The following HCFC2 variants were observed in gnomAD, a reference collection of about 807,000 sequenced individuals.
HCFC2 encodes the protein host cell factor 2.
Under a neutral mutation model 89.2 loss-of-function variants are expected in HCFC2, and 18 were observed. That is an observed-to-expected ratio of 0.20 (90% CI 0.14 to 0.30). HCFC2 has a LOEUF of 0.30. Ranked by LOEUF, HCFC2 falls within the 10% of genes least tolerant of loss-of-function variation. HCFC2 has a pLI of 1.00. For synonymous variants in HCFC2, 308 were observed against 335.7 expected (o/e 0.92, Z 0.90); for missense variants, 578 against 956.1 (o/e 0.60, Z 5.21).
At chr12:104,102,266 C>A in intron 14 of HCFC2, 113 bp downstream of exon 14, 2 of 865,870 alleles carry the variant, frequency 2.3e-6, no homozygotes, top group Non-Finnish European at 3.6e-6. Context: ...TGAGAGATAC[C>A]TAAAAGGATG....
chr12:104,093,645 C>T (rs1289458834), intron 10 of HCFC2, 82 bp downstream of exon 10: 5 of 1,248,386 alleles, frequency 4.0e-6, no homozygotes, highest in Non-Finnish European at 5.6e-6. Context: ...AAATGTTGTA[C>T]AGTTTTGATC....
At position 104,096,408 on chromosome 12, in the gene HCFC2, C is replaced by T. The variant is rs1435897710; in HGVS notation, c.1715C>T (p.Thr572Ile). 1.2e-6 allele frequency: 2 copies of T among 1,608,226 alleles called. No homozygotes were observed. Among genetic ancestry groups the T allele is most frequent in the African/African-American group, 2.7e-5 (2 of 74,872 alleles). The change falls in exon 12 of 15, where the codon ACA (threonine) becomes ATA (isoleucine). Residue 572 changes from threonine (T) to isoleucine (I), a missense_variant. Transcript: ENST00000229330. ...LPATKISRVE[T>I]HATATPFSKE... ...GCAACGAAGATCAGCCGTGTAGAGA[C>T]ACATGCTACAGCAACGCCGTTTTCT...
rs771988163 is a variant in HCFC2, at chr12:104,068,128, C to T, written c.473+21C>T. On this transcript the variant is annotated intron_variant, in intron 3 of 14. Coordinates refer to ENST00000229330, the MANE Select transcript of HCFC2 (RefSeq NM_013320.3). This position sits in a 1 kb window ranked among gnomAD's most constrained non-coding sequence, Gnocchi z 4.1. ...CCCAGGTATGCTGACTCTTTCAGACCAAATGCTTATTTTATGATTTAGAGT... is the reference window on the plus strand; with the variant it reads ...CCCAGGTATGCTGACTCTTTCAGACTAAATGCTTATTTTATGATTTAGAGT... 3 of 1,534,812 alleles carry T rather than the reference C, an allele frequency of 2.0e-6. No homozygotes were observed. The highest frequency in any genetic ancestry group is 2.3e-5 in the Admixed American group (1 of 43,440).
Position 104,103,438 on chromosome 12 carries a change from A to C in HCFC2, c.*165A>C. Reference sequence around the variant, plus strand: ...ATTTGCTGAATTATAGATCCAAATAAAAGAAAAGAAGCAAAGACTCTCTGA... The same window carrying C: ...ATTTGCTGAATTATAGATCCAAATACAAGAAAAGAAGCAAAGACTCTCTGA... On this transcript the variant is annotated 3_prime_UTR_variant, in exon 15 of 15. Transcript: ENST00000229330. 3.3e-6 allele frequency: 2 copies of C among 606,326 alleles called. No homozygotes were observed. The highest frequency in any genetic ancestry group is 5.6e-6 in the Non-Finnish European group (2 of 356,728). 37.6% of individuals were successfully genotyped at this position (606,326 alleles called of 1,614,324 possible). A position where few individuals can be genotyped will look rare whatever the true frequency, so the allele number is the denominator to read the frequency against.
intron 10 of HCFC2, among the ~76,000 whole-genome samples, chr12:104,094,796 A>T (rs1250791201): frequency 1.3e-5 from 2 of 152,124 alleles, no homozygotes; most frequent in Non-Finnish European, 2.9e-5. Flanking sequence ...GGATTTGATG[A>T]TGTTTACGAG....
intron 3 of HCFC2, among the ~76,000 whole-genome samples, chr12:104,076,372 G>A (rs1289523910): frequency 6.6e-6 from 1 of 152,188 alleles, no homozygotes; most frequent in Non-Finnish European, 1.5e-5. Flanking sequence ...CTGTGATTGT[G>A]GATCTGTGTT....
chr12:104,076,615 CCCACCA>C (rs1211716063), intron 3 of HCFC2, among the ~76,000 whole-genome samples: 2 of 151,800 alleles, frequency 1.3e-5, no homozygotes, highest in Non-Finnish European at 2.9e-5. Flanking sequence ...CATTCCTGCC[CCCACCA>C]CCAACCCTGA....
At chr12:104,081,365 T>A (rs1463893307) in intron 5 of HCFC2, among the ~76,000 whole-genome samples, 2 of 152,200 alleles carry the variant, frequency 1.3e-5, no homozygotes, top group Non-Finnish European at 2.9e-5. Context: ...GACAAGGCTG[T>A]AATGAAGACT....
At chr12:104,092,552 C>A (rs1263819669) in intron 9 of HCFC2, among the ~76,000 whole-genome samples, 1 of 151,952 alleles carries the variant, frequency 6.6e-6, no homozygotes, top group Non-Finnish European at 1.5e-5. Flanking sequence ...GTGGGTGGAC[C>A]ACCTGAGGTC....
chr12:104,074,139 C>T (rs771214640), intron 3 of HCFC2, among the ~76,000 whole-genome samples: 4 of 151,822 alleles, frequency 2.6e-5, no homozygotes, highest in Admixed American at 1.3e-4. Flanking sequence ...ACATTAAGGA[C>T]GTTTTCTTTT....
Position 104,068,571 on chromosome 12 carries a change from C to T in HCFC2, c.473+464C>T, listed in dbSNP as rs1380346923. ...CAGGAAGCTATTAGAGTAGTTCACG[C>T]TAGCATATACTTTTACAATCAATTA... is the stretch of plus-strand genomic sequence containing the variant. On this transcript the variant is annotated intron_variant, in intron 3 of 14. Coordinates refer to ENST00000229330, the MANE Select transcript of HCFC2 (RefSeq NM_013320.3). The surrounding 1 kb of genome is among the most constrained non-coding windows in gnomAD (Gnocchi z 4.1). Among the ~76,000 whole-genome samples the T allele has an allele frequency of 6.6e-6, 1 of 152,214 alleles. No homozygotes were observed. Among genetic ancestry groups the T allele is most frequent in the Non-Finnish European group, 1.5e-5 (1 of 68,034 alleles).
At position 104,064,654 on chromosome 12, in the gene HCFC2, C is replaced by T. The variant is rs1882996260; in HGVS notation, c.94C>T (p.Arg32Trp). ...GCACGGACACCGAGCGGTGGCCATC[C>T]GGGAGCTGATGATCATCTTTGGAGG... is the stretch of plus-strand genomic sequence containing the variant. ...ARHGHRAVAI[R>W]ELMIIFGGGN... is the part of the protein sequence containing the mutation. The change falls in exon 1 of 15, where the codon CGG (arginine) becomes TGG (tryptophan). Residue 32 changes from arginine to tryptophan, a missense_variant. Physicochemically the swap from Arg to Trp is moderately radical, Grantham distance 101. Transcript: ENST00000229330. The surrounding 1 kb of genome is among the most constrained non-coding windows in gnomAD (Gnocchi z 7.3). 2 of 1,579,594 alleles carry T rather than the reference C, an allele frequency of 1.3e-6. No homozygotes were observed. Among genetic ancestry groups the T allele is most frequent in the African/African-American group, 1.4e-5 (1 of 71,496 alleles).
chr12:104,098,483 A>G lies in HCFC2; in HGVS notation c.1878+3A>G. ...AAGGGAAGCAAAGCATCTCAAAGGTAGCTATTGATATATTTTCTACATTGT... is the reference window on the plus strand; with the variant it reads ...AAGGGAAGCAAAGCATCTCAAAGGTGGCTATTGATATATTTTCTACATTGT... On this transcript the variant is annotated splice_donor_region_variant and intron_variant, in intron 13 of 14. Transcript: ENST00000229330. 6.3e-7 allele frequency: 1 copy of G among 1,597,428 alleles called. No homozygotes were observed. Among genetic ancestry groups the G allele is most frequent in the Non-Finnish European group, 8.5e-7 (1 of 1,174,176 alleles).
chr12:104,081,927 C>A (rs1054764511), intron 5 of HCFC2, among the ~76,000 whole-genome samples: 7 of 146,690 alleles, frequency 4.8e-5, no homozygotes, highest in African/African-American at 1.2e-4. Context: ...AAAAAAAAAT[C>A]TCTGGTTGGC....
At chr12:104,075,483 G>C (rs1425807085) in intron 3 of HCFC2, among the ~76,000 whole-genome samples, 1 of 117,564 alleles carries the variant, frequency 8.5e-6, no homozygotes, top group Non-Finnish European at 1.7e-5. Context: ...TTTAGAGGCA[G>C]AATCTCATTC....
At position 104,096,155 on chromosome 12, in the gene HCFC2, G is replaced by A. The variant is rs965219565; in HGVS notation, c.1667-205G>A. 3.3e-5 allele frequency among the ~76,000 whole-genome samples: 5 copies of A among 152,078 alleles called. No homozygotes were observed. In the South Asian group the frequency reaches 8.3e-4, roughly 25 times the overall value. On this transcript the variant is annotated intron_variant, in intron 11 of 14. Transcript: ENST00000229330. ...AGTTTATGAATTGTTTTGAGTTAAA[G>A]GGTCAATATTACTACTTATTGTAAA...
In HCFC2 at chr12:104,102,004, A is replaced by C. The variant is rs1299980441; in HGVS notation, c.1915A>C (p.Lys639Gln). 1.1e-5 allele frequency: 18 copies of C among 1,611,462 alleles called. No homozygotes were observed. The highest frequency in any genetic ancestry group is 1.4e-5 in the Non-Finnish European group (17 of 1,178,512). Residue 639 changes from lysine (K) to glutamine (Q), a missense_variant, in exon 14 of 15, where the codon AAG becomes CAG. Around this residue, in one of 4 missense-constraint regions of HCFC2, gnomAD observed 140 missense variants for 266.4 expected, o/e 0.53. Coordinates refer to ENST00000229330, the MANE Select transcript of HCFC2 (RefSeq NM_013320.3). The part of the protein sequence containing the change: ...NADVPDYSLL[K>Q]KQDLVPGTGY... ...AGATGTACCTGACTACAGCTTGCTT[A>C]AGAAACAAGATCTTGTTCCAGGCAC...
In HCFC2 at chr12:104,087,998, A is replaced by T; in HGVS notation, c.1244A>T (p.Asp415Val). ...CTCATTCCTTCAGGAGTCAGGATGGACCCTCACAGACAAGGCAGTAATAAC... is the reference window on the plus strand; with the variant it reads ...CTCATTCCTTCAGGAGTCAGGATGGTCCCTCACAGACAAGGCAGTAATAAC... ...AAPNMQGVRM[D>V]PHRQGSNNIV... The change falls in exon 9 of 15, where the codon GAC (aspartate) becomes GTC (valine). Residue 415 changes from aspartate (D) to valine (V), a missense_variant. Physicochemically the swap from Asp to Val is radical, Grantham distance 152. Coordinates refer to ENST00000229330, the MANE Select transcript of HCFC2 (RefSeq NM_013320.3). The T allele has an allele frequency of 1.9e-6, 3 of 1,607,264 alleles. No individual in the cohort carries two copies. Among genetic ancestry groups the T allele is most frequent in the Non-Finnish European group, 2.6e-6 (3 of 1,175,758 alleles).
intron 8 of HCFC2, among the ~76,000 whole-genome samples, chr12:104,087,251 G>A (rs1223440404): frequency 6.6e-6 from 1 of 151,396 alleles, no homozygotes; most frequent in Non-Finnish European, 1.5e-5. Flanking sequence ...CTACTTGGGA[G>A]GCTGAAGCAA....
Sources: allele counts gnomAD v4.1 joint callset (sites outside exome capture counted in the v4.1 genomes callset), GRCh38; gene constraint gnomAD v4.1.1; regional missense constraint gnomAD v4.1.1; non-coding constraint Gnocchi (gnomAD v3.1); transcripts MANE v1.5; gene names NCBI Gene and HGNC (gene_info 2026-07-23, HGNC 2026-07-21).